Variants in CDHR2 observed in about 807,000 individuals in gnomAD.
CDHR2 encodes cadherin-related family member 2.
Under a neutral mutation model 138.6 loss-of-function variants are expected in CDHR2, and 104 were observed. That is an observed-to-expected ratio of 0.75 (90% CI 0.64 to 0.88). The LOEUF (loss-of-function observed/expected upper bound fraction) is 0.88. Ranked by LOEUF, CDHR2 falls within the 40% of genes least tolerant of loss-of-function variation. The pLI is 0.00. For synonymous variants in CDHR2, 755 were observed against 742.8 expected (o/e 1.02, Z -0.27); for missense variants, 1,624 against 1,727.6 (o/e 0.94, Z 1.06).
chr5:176,567,439 G>A (rs1279615812), intron 3 of CDHR2, among the ~76,000 whole-genome samples: 1 of 151,880 alleles, frequency 6.6e-6, no homozygotes, highest in East Asian at 1.9e-4. Flanking sequence ...CAAAGTGCTG[G>A]GATTACAGGC....
intron 19 of CDHR2, 99 bp from the exon 20 acceptor site, chr5:176,585,855 C>CGGGGCATGGGGTTGAGGCTGT: frequency 2.2e-6 from 2 of 915,464 alleles, no homozygotes; most frequent in Non-Finnish European, 3.5e-6. Flanking sequence ...GTTGAGGCTG[C>CGGGGCATGGGGTTGAGGCTGT]GGGGCATGGG....
At chr5:176,590,759 G>C in intron 28 of CDHR2, 72 bp downstream of exon 28, 1 of 1,600,628 alleles carries the variant, frequency 6.2e-7, no homozygotes, top group Non-Finnish European at 8.5e-7. Flanking sequence ...GGGGGTAGGG[G>C]TAGAAGGAGC....
At chr5:176,574,414 G>T (rs574448814) in intron 7 of CDHR2, among the ~76,000 whole-genome samples, 9 of 152,164 alleles carry the variant, frequency 5.9e-5, no homozygotes, top group Non-Finnish European at 1.3e-4. Context: ...CCCAGGTCTT[G>T]TCCAAATTCC....
Position 176,584,595 on chromosome 5 carries a change from C to T in CDHR2, c.2314C>T (p.Pro772Ser). 2.5e-6 allele frequency: 4 copies of T among 1,606,682 alleles called. No homozygotes were observed. The highest frequency in any genetic ancestry group is 3.4e-6 in the Non-Finnish European group (4 of 1,174,898). ...CGTGAGCCTGGATTACGAGACACAG[C>T]CCGTCTTCAACTTGACAGTGAGTGC... ...PDVSLDYETQ[P>S]VFNLTVSAEN... Residue 772 changes from proline (P) to serine (S), a missense_variant, in exon 19 of 32, where the codon CCC (proline) becomes TCC (serine). Around this residue, in one of 3 missense-constraint regions of CDHR2, gnomAD observed 1,061 missense variants for 1,136.6 expected, o/e 0.93. Transcript: ENST00000261944.
chr5:176,592,157 T>G, intron 30 of CDHR2, among the ~76,000 whole-genome samples: 1 of 143,796 alleles, frequency 7.0e-6, no homozygotes. Flanking sequence ...ATGATGACAA[T>G]GATGATGGTG....
At chr5:176,577,916 T>G (rs1188483566) in intron 14 of CDHR2, 118 bp downstream of exon 14, 13 of 1,476,382 alleles carry the variant, frequency 8.8e-6, no homozygotes, top group Non-Finnish European at 1.2e-5. Flanking sequence ...TGAATCTGAG[T>G]GTGCTGGGGA....
At chr5:176,544,795 G>A (rs1046716911), upstream of CDHR2, among the ~76,000 whole-genome samples, 2 of 152,154 alleles carry the variant, frequency 1.3e-5, no homozygotes, top group African/African-American at 4.8e-5. Context: ...GATATTCTTG[G>A]GCTGGTTCCT....
intron 6 of CDHR2, among the ~76,000 whole-genome samples, chr5:176,571,697 C>T (rs1276108174): frequency 3.3e-5 from 5 of 152,082 alleles, no homozygotes; most frequent in East Asian, 1.9e-4. Flanking sequence ...CCACCTCGCC[C>T]GCCTAATTTT....
chr5:176,593,325 C>T (rs981110229), intron 31 of CDHR2, among the ~76,000 whole-genome samples: 4 of 152,206 alleles, frequency 2.6e-5, no homozygotes, highest in African/African-American at 9.7e-5. Flanking sequence ...AATACTGATG[C>T]CCAGGTCACA....
At chr5:176,591,612 G>A in intron 30 of CDHR2, 128 bp downstream of exon 30, 1 of 717,834 alleles carries the variant, frequency 1.4e-6, no homozygotes, top group Non-Finnish European at 2.4e-6. Context: ...GGTAGTAGTG[G>A]TAGTTATGGT....
chr5:176,582,756 T>C (rs557067107), intron 17 of CDHR2, among the ~76,000 whole-genome samples: 1 of 152,304 alleles, frequency 6.6e-6, no homozygotes, highest in East Asian at 1.9e-4. Context: ...CAATCCAGCC[T>C]GTGAGACAGA....
chr5:176,594,840 G>GGTGT (rs111567221), intron 31 of CDHR2, among the ~76,000 whole-genome samples: 2 of 151,778 alleles, frequency 1.3e-5, no homozygotes, highest in African/African-American at 4.8e-5. Flanking sequence ...TCCACAGGAG[G>GGTGT]GTGTGTGTGT....
At chr5:176,589,009 T>C in intron 21 of CDHR2, 22 bp from the exon 22 acceptor site, 1 of 1,612,614 alleles carries the variant, frequency 6.2e-7, no homozygotes. Context: ...GGCCCCCAGA[T>C]ATTGTCCACT....
upstream of CDHR2, among the ~76,000 whole-genome samples, chr5:176,548,835 G>T (rs1757643292): frequency 6.6e-6 from 1 of 152,116 alleles, no homozygotes; most frequent in Non-Finnish European, 1.5e-5. Flanking sequence ...CTCAATGCGG[G>T]GTGAGATCAG....
chr5:176,557,597 G>A (rs1480052944), intron 1 of CDHR2, among the ~76,000 whole-genome samples: 2 of 107,276 alleles, frequency 1.9e-5, no homozygotes, highest in Non-Finnish European at 3.6e-5. Context: ...ATAGGGTCTT[G>A]CTCTGTCGCC....
rs147174927 is a variant in CDHR2, at chr5:176,593,266, T to C, written c.3792+486T>C. On this transcript the variant is annotated intron_variant, in intron 31 of 31. Transcript: ENST00000261944. The stretch of plus-strand genomic sequence containing the variant: ...GGTGAGTTGGTTGGATGAGATCAAG[T>C]GTTCATAGACTGGCCTGCTGCGTAA... Among the ~76,000 whole-genome samples, 9 of 152,296 alleles carry C rather than the reference T, an allele frequency of 5.9e-5. No individual in the cohort carries two copies. In the East Asian group the frequency reaches 1.5e-3, roughly 26 times the overall value.
At chr5:176,574,018 C>T (rs1758295746) in intron 6 of CDHR2, 65 bp from the exon 7 acceptor site, 3 of 1,209,510 alleles carry the variant, frequency 2.5e-6, no homozygotes, top group Non-Finnish European at 2.4e-6. Context: ...CTCAGGGGGG[C>T]AGTGACGGAC....
At chr5:176,545,685 C>A (rs1757571648), upstream of CDHR2, among the ~76,000 whole-genome samples, 1 of 152,178 alleles carries the variant, frequency 6.6e-6, no homozygotes, top group Admixed American at 6.6e-5. Flanking sequence ...GCCCAAGCCC[C>A]CAGCAGGTAA....
In CDHR2 at chr5:176,576,227, A is replaced by T; in HGVS notation, c.1194+42A>T. ...GGGTGTGGGCGGGGGTGGCTGGGGGAGGCCAGTGGGAGCCTGGATCGAGTG... is the reference window on the plus strand; with the variant it reads ...GGGTGTGGGCGGGGGTGGCTGGGGGTGGCCAGTGGGAGCCTGGATCGAGTG... On this transcript the variant is annotated intron_variant, in intron 12 of 31. Transcript: ENST00000261944. This position sits in a 1 kb window ranked among gnomAD's most constrained non-coding sequence, Gnocchi z 4.5. 1 of 1,464,856 alleles carries T rather than the reference A, an allele frequency of 6.8e-7. No individual in the cohort carries two copies. The highest frequency in any genetic ancestry group is 1.2e-5 in the South Asian group (1 of 85,302). The allele number at this position is 1,464,856 out of a possible 1,614,324, so 90.7% of individuals were successfully genotyped here. A position where few individuals can be genotyped will look rare whatever the true frequency, so the allele number is the denominator to read the frequency against.
Sources: gnomAD v4.1 joint callset for allele counts (sites outside exome capture counted in the v4.1 genomes callset) on GRCh38, gnomAD v4.1.1 for gene constraint, gnomAD v4.1.1 regional missense constraint, Gnocchi (gnomAD v3.1) non-coding constraint, MANE v1.5 for transcripts, NCBI Gene and HGNC (gene_info 2026-07-23, HGNC 2026-07-21) for gene names.